Variants in TNFRSF19 observed in about 807,000 individuals in gnomAD.
TNFRSF19 encodes tumor necrosis factor receptor superfamily member 19.
TNFRSF19 carries 27 observed loss-of-function variants against 46.4 expected under a neutral mutation model. That is an observed-to-expected ratio of 0.58 (90% confidence interval 0.43 to 0.80). TNFRSF19 has a LOEUF of 0.80. Ranked by LOEUF, TNFRSF19 falls within the 30% of genes least tolerant of loss-of-function variation. The probability of loss-of-function intolerance (pLI) is 0.00; values close to 1 mark genes in which losing one functional copy is unlikely to be tolerated. For synonymous variants in TNFRSF19, 204 were observed against 205.0 expected (o/e 1.00, Z 0.04); for missense variants, 511 against 530.8 (o/e 0.96, Z 0.37).
At chr13:23,580,043 T>C (rs973402147) in intron 1 of TNFRSF19, among the ~76,000 whole-genome samples, 4 of 152,018 alleles carry the variant, frequency 2.6e-5, no homozygotes, top group African/African-American at 9.7e-5. Context: ...TTCCTTAGAG[T>C]TCAGCAGGAA....
chr13:23,651,840 C>CT (rs71070609), intron 5 of TNFRSF19, among the ~76,000 whole-genome samples: 1,356 of 35,974 alleles, frequency 0.038, 135 homozygotes, highest in African/African-American at 0.12. Flanking sequence ...ACACTATAGT[C>CT]TTTTTTTTTT....
chr13:23,670,259 A>G (rs1055007920), intron 9 of TNFRSF19, among the ~76,000 whole-genome samples: 3 of 152,192 alleles, frequency 2.0e-5, no homozygotes, highest in African/African-American at 7.2e-5. Context: ...CAGTGGAGCA[A>G]TCACAGCTCA....
intron 5 of TNFRSF19, among the ~76,000 whole-genome samples, chr13:23,655,956 A>G (rs1883959076): frequency 1.3e-5 from 2 of 152,210 alleles, no homozygotes; most frequent in South Asian, 2.1e-4. Context: ...ACTAAAAATG[A>G]CGAACCCATT....
chr13:23,634,019 A>T (rs1477432678), intron 5 of TNFRSF19, among the ~76,000 whole-genome samples: 1 of 152,252 alleles, frequency 6.6e-6, no homozygotes, highest in Non-Finnish European at 1.5e-5. Context: ...CCATAGCCCT[A>T]ATTTCATTAA....
intron 1 of TNFRSF19, among the ~76,000 whole-genome samples, chr13:23,576,506 CA>C (rs779149868): frequency 6.6e-6 from 1 of 152,178 alleles, no homozygotes; most frequent in Non-Finnish European, 1.5e-5. Flanking sequence ...GTCTCCAAAT[CA>C]TACAACACTC....
chr13:23,613,569 T>A (rs571927118), intron 3 of TNFRSF19, among the ~76,000 whole-genome samples: 1 of 152,324 alleles, frequency 6.6e-6, no homozygotes, highest in South Asian at 2.1e-4. Context: ...TTTGTTGTGT[T>A]TTAACTCGTA....
Position 23,675,351 on chromosome 13 carries a change from A to G in TNFRSF19, c.*1971A>G, listed in dbSNP as rs544390834. On this transcript the variant is annotated 3_prime_UTR_variant, in exon 10 of 10. Transcript: ENST00000248484. The stretch of plus-strand genomic sequence containing the variant: ...GGCTGTGTTCCTTTGTGTAGCCTGT[A>G]TATATTTTCCATATGTAGAGCCCTG... 3.9e-5 allele frequency: 6 copies of G among 152,318 alleles called. No individual in the cohort carries two copies. Among genetic ancestry groups the G allele is most frequent in the South Asian group, 2.1e-4 (1 of 4,828 alleles). The allele number at this position is 152,318 out of a possible 1,614,324, so 9.4% of individuals were successfully genotyped here. A position where few individuals can be genotyped will look rare whatever the true frequency, so the allele number is the denominator to read the frequency against.
intron 1 of TNFRSF19, among the ~76,000 whole-genome samples, chr13:23,578,761 C>T (rs1276460560): frequency 2.0e-5 from 3 of 152,260 alleles, no homozygotes; most frequent in Admixed American, 2.0e-4. Context: ...AGTGAGTCCC[C>T]GGCCCTGGCC....
chr13:23,641,152 G>A (rs1259271320), intron 5 of TNFRSF19, among the ~76,000 whole-genome samples: 1 of 152,138 alleles, frequency 6.6e-6, no homozygotes, highest in African/African-American at 2.4e-5. Context: ...ATTCTCTAAT[G>A]ATCTATTTAA....
Position 23,633,111 on chromosome 13 carries a change from C to CTTTT in TNFRSF19, c.445+6333_445+6336dup, listed in dbSNP as rs34800120. Among the ~76,000 whole-genome samples, 36 of 136,122 alleles carry CTTTT rather than the reference C, an allele frequency of 2.6e-4. 2 individuals carry two copies. Among genetic ancestry groups the CTTTT allele is most frequent in the African/African-American group, 5.2e-4 (19 of 36,798 alleles). 89.3% of individuals were successfully genotyped at this position (136,122 alleles called of 152,430 possible). On this transcript the variant is annotated intron_variant, in intron 5 of 9. Coordinates refer to ENST00000248484, the MANE Select transcript of TNFRSF19 (RefSeq NM_148957.4). ...ATGATCAAATTACACTTGTTGACGT[C>CTTTT]TTTTTTTTTTTTTTTTTGAGACAGT...
At chr13:23,632,047 T>G (rs1882392555) in intron 5 of TNFRSF19, among the ~76,000 whole-genome samples, 1 of 152,244 alleles carries the variant, frequency 6.6e-6, no homozygotes, top group East Asian at 1.9e-4. Context: ...GAGTTGTTTC[T>G]GATGAGTTTG....
chr13:23,594,670 G>T (rs1879573152), intron 3 of TNFRSF19, among the ~76,000 whole-genome samples: 1 of 152,350 alleles, frequency 6.6e-6, no homozygotes, highest in South Asian at 2.1e-4. Context: ...CAGGGAAGGG[G>T]TGGCTGTGGG....
chr13:23,642,042 C>T (rs1883060064), intron 5 of TNFRSF19, among the ~76,000 whole-genome samples: 1 of 152,160 alleles, frequency 6.6e-6, no homozygotes, highest in African/African-American at 2.4e-5. Context: ...AATGGTTTCA[C>T]GCCATTGTAA....
intron 3 of TNFRSF19, among the ~76,000 whole-genome samples, chr13:23,607,525 G>A (rs746051007): frequency 6.6e-6 from 1 of 152,054 alleles, no homozygotes; most frequent in Admixed American, 6.6e-5. Context: ...TAGAATTTTG[G>A]TTACCTATGG....
At chr13:23,625,173 T>C (rs2138285552) in intron 4 of TNFRSF19, among the ~76,000 whole-genome samples, 1 of 152,314 alleles carries the variant, frequency 6.6e-6, no homozygotes, top group African/African-American at 2.4e-5. Context: ...ATTTCATGAC[T>C]TTTTAAAAAT....
intron 5 of TNFRSF19, among the ~76,000 whole-genome samples, chr13:23,633,519 G>A (rs1012053227): frequency 2.1e-5 from 3 of 143,612 alleles, no homozygotes; most frequent in African/African-American, 7.4e-5. Context: ...TTGAAAATTT[G>A]TTACAGCAAA....
intron 1 of TNFRSF19, among the ~76,000 whole-genome samples, chr13:23,578,391 C>T (rs962641610): frequency 1.3e-5 from 2 of 152,188 alleles, no homozygotes; most frequent in Non-Finnish European, 2.9e-5. Flanking sequence ...ATATTTTTAA[C>T]ATTGTTCACA....
intron 7 of TNFRSF19, among the ~76,000 whole-genome samples, chr13:23,663,292 G>A (rs1884489418): frequency 6.6e-6 from 1 of 152,110 alleles, no homozygotes; most frequent in Non-Finnish European, 1.5e-5. Flanking sequence ...TTTGTCTTTA[G>A]TTCTGTTTAT....
In TNFRSF19 at chr13:23,664,058, G is replaced by T. The variant is rs141516094; in HGVS notation, c.736+3568G>T. Among the ~76,000 whole-genome samples, 873 of 152,008 alleles carry T rather than the reference G, an allele frequency of 5.7e-3. 3 individuals carry two copies. Among genetic ancestry groups the T allele is most frequent in the South Asian group, 0.012 (57 of 4,806 alleles). On this transcript the variant is annotated intron_variant, in intron 7 of 9. Coordinates refer to ENST00000248484, the MANE Select transcript of TNFRSF19 (RefSeq NM_148957.4). ...GCTGGCTTTAGGGGTGAGGTAATTTGTTCTTGCTTCTCAAATTCTTTCTGT... is the reference window on the plus strand; with the variant it reads ...GCTGGCTTTAGGGGTGAGGTAATTTTTTCTTGCTTCTCAAATTCTTTCTGT...
Sources: allele counts gnomAD v4.1 joint callset (sites outside exome capture counted in the v4.1 genomes callset), GRCh38; gene constraint gnomAD v4.1.1; transcripts MANE v1.5; gene names NCBI Gene and HGNC (gene_info 2026-07-23, HGNC 2026-07-21).